GPM6A: variants seen among roughly 807,000 people sequenced by gnomAD.
GPM6A encodes the protein glycoprotein M6A, also known as neuronal membrane glycoprotein M6-a.
A neutral mutation model predicts 32.1 loss-of-function variants in GPM6A; 7 were observed. The observed-to-expected ratio is 0.22, with a 90% CI of 0.12 to 0.41. The LOEUF (loss-of-function observed/expected upper bound fraction) is 0.41. GPM6A is among the 10% of genes least tolerant of loss of function. The probability of loss-of-function intolerance (pLI) is 1.00; values close to 1 mark genes in which losing one functional copy is unlikely to be tolerated. For synonymous variants in GPM6A, 130 were observed against 123.4 expected (o/e 1.05, Z -0.35); for missense variants, 235 against 347.2 (o/e 0.68, Z 2.57).
chr4:175,786,506 TA>T (rs1179107948), intron 1 of GPM6A, among the ~76,000 whole-genome samples: 1 of 151,946 alleles, frequency 6.6e-6, no homozygotes, highest in African/African-American at 2.4e-5. Context: ...TATGGTGTCT[TA>T]ATGTCACTTC....
intron 1 of GPM6A, among the ~76,000 whole-genome samples, chr4:175,902,403 A>G (rs1737996214): frequency 6.6e-6 from 1 of 152,210 alleles, no homozygotes; most frequent in Non-Finnish European, 1.5e-5. Context: ...GCAGACATAA[A>G]TAAGCAAGTT....
upstream of GPM6A, chr4:175,813,066 A>G: frequency 1.0e-6 from 1 of 984,200 alleles, no homozygotes; most frequent in South Asian, 4.7e-5. Context: ...TTAGTGCCAT[A>G]TGACTCTTAA....
intron 1 of GPM6A, among the ~76,000 whole-genome samples, chr4:175,940,306 C>A (rs1345614478): frequency 1.4e-5 from 2 of 144,260 alleles, no homozygotes; most frequent in Non-Finnish European, 3.1e-5. Flanking sequence ...AGAAAACTTA[C>A]CTATAGGTTT....
At chr4:175,766,310 A>G (rs946660296) in intron 1 of GPM6A, among the ~76,000 whole-genome samples, 1 of 152,176 alleles carries the variant, frequency 6.6e-6, no homozygotes, top group Admixed American at 6.5e-5. Flanking sequence ...GAAGAACACA[A>G]AAGGGTTAGA....
At chr4:175,974,570 A>T (rs1436555937) in intron 1 of GPM6A, among the ~76,000 whole-genome samples, 1 of 141,406 alleles carries the variant, frequency 7.1e-6, no homozygotes, top group African/African-American at 3.0e-5. Context: ...TCTGTTTAAA[A>T]TCAACAGCTC....
chr4:175,882,376 G>A (rs1178108464), intron 1 of GPM6A, among the ~76,000 whole-genome samples: 15 of 151,874 alleles, frequency 9.9e-5, no homozygotes, highest in Admixed American at 9.8e-4. Flanking sequence ...TAAGAAAACT[G>A]TCAGTAAGGA....
At chr4:175,911,087 A>T (rs1560990149) in intron 1 of GPM6A, among the ~76,000 whole-genome samples, 1 of 152,132 alleles carries the variant, frequency 6.6e-6, no homozygotes, top group Non-Finnish European at 1.5e-5. Context: ...TAACCTCCCA[A>T]ATCTTGGGCT....
chr4:175,723,125 A>G (rs534459562), intron 1 of GPM6A, among the ~76,000 whole-genome samples: 1 of 152,152 alleles, frequency 6.6e-6, no homozygotes, highest in Non-Finnish European at 1.5e-5. Flanking sequence ...ACACTTACTA[A>G]TTTTTAGTTA....
intron 2 of GPM6A, among the ~76,000 whole-genome samples, chr4:175,681,382 A>C (rs1279077144): frequency 6.6e-6 from 1 of 152,158 alleles, no homozygotes; most frequent in African/African-American, 2.4e-5. Flanking sequence ...TGGGCACTAT[A>C]TATCTTTTTA....
In GPM6A at chr4:175,696,934, A is replaced by G. The variant is rs142114043; in HGVS notation, c.230+4641T>C. Among the ~76,000 whole-genome samples the G allele has an allele frequency of 4.9e-3, 748 of 152,220 alleles. 5 individuals are homozygous for G. The highest frequency in any genetic ancestry group is 0.015 in the African/African-American group (640 of 41,536). On this transcript the variant is annotated intron_variant, in intron 2 of 6. Coordinates refer to ENST00000393658, the MANE Select transcript of GPM6A (RefSeq NM_201591.3). Reference sequence around the variant, plus strand: ...AAAATCTATATATCTATTTTGTCTGAGCTTACTGATTTATTTTGTTTTAGG... The same window carrying G: ...AAAATCTATATATCTATTTTGTCTGGGCTTACTGATTTATTTTGTTTTAGG...
At chr4:175,688,648 T>C (rs2111029740) in intron 2 of GPM6A, among the ~76,000 whole-genome samples, 2 of 152,290 alleles carry the variant, frequency 1.3e-5, no homozygotes, top group Middle Eastern at 6.8e-3. Context: ...AAAAGAATAT[T>C]TGAAACATCT....
chr4:175,893,583 A>T (rs540604042), intron 1 of GPM6A, among the ~76,000 whole-genome samples: 111 of 152,138 alleles, frequency 7.3e-4, no homozygotes, highest in African/African-American at 2.5e-3. Flanking sequence ...CAGCACCTTC[A>T]TGGGGTCCTC....
intron 1 of GPM6A, among the ~76,000 whole-genome samples, chr4:175,875,073 G>A (rs1157995180): frequency 6.6e-6 from 1 of 152,124 alleles, no homozygotes; most frequent in Admixed American, 6.6e-5. Flanking sequence ...CATCCAAGAG[G>A]CAGAAATGTG....
chr4:175,940,645 C>T (rs572358795), intron 1 of GPM6A, among the ~76,000 whole-genome samples: 1 of 152,150 alleles, frequency 6.6e-6, no homozygotes, highest in African/African-American at 2.4e-5. Flanking sequence ...GTCACTCTGT[C>T]GCCCAGGCTG....
At chr4:175,704,150 T>A (rs1308365609) in intron 1 of GPM6A, among the ~76,000 whole-genome samples, 1 of 152,168 alleles carries the variant, frequency 6.6e-6, no homozygotes, top group African/African-American at 2.4e-5. Context: ...GTCTGCTATT[T>A]TTAATGCTGC....
At chr4:175,892,123 A>C (rs1016347168) in intron 1 of GPM6A, among the ~76,000 whole-genome samples, 1 of 152,216 alleles carries the variant, frequency 6.6e-6, no homozygotes, top group African/African-American at 2.4e-5. Context: ...AGCGAACTAC[A>C]ATTTACATTC....
At chr4:175,661,672 T>C (rs1480311443) in intron 3 of GPM6A, among the ~76,000 whole-genome samples, 1 of 152,152 alleles carries the variant, frequency 6.6e-6, no homozygotes, top group Non-Finnish European at 1.5e-5. Flanking sequence ...TGGAAATAAA[T>C]GTTGGTACAT....
At chr4:175,696,689 T>C (rs949372986) in intron 2 of GPM6A, among the ~76,000 whole-genome samples, 1 of 152,220 alleles carries the variant, frequency 6.6e-6, no homozygotes, top group Non-Finnish European at 1.5e-5. Flanking sequence ...TTAGGTTTAA[T>C]TGTCAACAAC....
intron 1 of GPM6A, among the ~76,000 whole-genome samples, chr4:175,717,201 T>C (rs561831156): frequency 1.3e-5 from 2 of 152,316 alleles, no homozygotes; most frequent in East Asian, 3.9e-4. Context: ...TTTACGCTCT[T>C]CCTGTTTCCT....
Sources: gnomAD v4.1 joint callset for allele counts (sites outside exome capture counted in the v4.1 genomes callset) on GRCh38, gnomAD v4.1.1 for gene constraint, MANE v1.5 for transcripts, NCBI Gene and HGNC (gene_info 2026-07-23, HGNC 2026-07-21) for gene names.